Variants in IFT122 observed in about 807,000 individuals in gnomAD.
IFT122 encodes the protein intraflagellar transport 122.
In IFT122, 118 loss-of-function variants were observed where a neutral mutation model predicts 161.6. The observed-to-expected ratio is 0.73, with a 90% CI of 0.63 to 0.85. The LOEUF (loss-of-function observed/expected upper bound fraction) is 0.85, where lower values mean the gene tolerates loss of function less well. IFT122 is among the 40% of genes least tolerant of loss of function. The pLI is 0.00. For synonymous variants in IFT122, 550 were observed against 602.4 expected (o/e 0.91, Z 1.27); for missense variants, 1,381 against 1,579.6 (o/e 0.87, Z 2.13).
intron 9 of IFT122, among the ~76,000 whole-genome samples, chr3:129,475,419 A>C (rs535340469): frequency 1.3e-5 from 2 of 152,360 alleles, no homozygotes; most frequent in African/African-American, 2.4e-5. Context: ...TGGGAGGCCA[A>C]GGTGGGTGGA....
chr3:129,517,632 G>A (rs756735598), intron 27 of IFT122, 38 bp downstream of exon 27: 1 of 1,606,762 alleles, frequency 6.2e-7, no homozygotes, highest in South Asian at 1.1e-5. Context: ...GTGTGCGGCT[G>A]TGTGAGGGGT....
At chr3:129,465,618 C>T (rs2076672142) in intron 7 of IFT122, among the ~76,000 whole-genome samples, 2 of 150,630 alleles carry the variant, frequency 1.3e-5, no homozygotes, top group African/African-American at 4.9e-5. Context: ...TTACAGGTGC[C>T]TGCCACCACG....
chr3:129,479,119 C>T (rs558389458), intron 12 of IFT122, among the ~76,000 whole-genome samples: 3 of 151,960 alleles, frequency 2.0e-5, no homozygotes, highest in Non-Finnish European at 2.9e-5. Flanking sequence ...CTATTAAAAT[C>T]TCTCAAAAGC....
In IFT122 at chr3:129,456,917, A is replaced by G. The variant is rs545169623; in HGVS notation, c.194-1682A>G. On this transcript the variant is annotated intron_variant, in intron 3 of 29. Coordinates refer to ENST00000348417, the MANE Select transcript of IFT122 (RefSeq NM_052989.3). ...GGCAACAGAGTGAGACTTAGTCTCAAAAAAAAGGTACTTTACAGATACTAT... is the reference window on the plus strand; with the variant it reads ...GGCAACAGAGTGAGACTTAGTCTCAGAAAAAAGGTACTTTACAGATACTAT... Among the ~76,000 whole-genome samples the G allele has an allele frequency of 7.2e-5, 11 of 152,276 alleles. No individual in the cohort carries two copies. In the Middle Eastern group the frequency reaches 0.01, roughly 141 times the overall value.
chr3:129,504,316 C>A lies in IFT122; in HGVS notation c.2548-3C>A. On this transcript the variant is annotated splice_region_variant and splice_polypyrimidine_tract_variant and intron_variant, in intron 20 of 29. Coordinates refer to ENST00000348417, the MANE Select transcript of IFT122 (RefSeq NM_052989.3). ...TTAAGACTTCATTTGCTCCTTCCCC[C>A]AGGCCTTTGCTTTGGGTGAGAAGCA... 6.2e-7 allele frequency: 1 copy of A among 1,612,236 alleles called. No homozygotes were observed. Among genetic ancestry groups the A allele is most frequent in the South Asian group, 1.1e-5 (1 of 91,038 alleles).
At chr3:129,460,656 T>C (rs2076118615) in intron 4 of IFT122, among the ~76,000 whole-genome samples, 1 of 152,206 alleles carries the variant, frequency 6.6e-6, no homozygotes, top group Admixed American at 6.5e-5. Flanking sequence ...TTGCTTCTGC[T>C]TCTTAGCTAT....
At chr3:129,516,694 GCACACACACACACACA>G (rs771398986) in intron 26 of IFT122, among the ~76,000 whole-genome samples, 1 of 50,184 alleles carries the variant, frequency 2.0e-5, no homozygotes, top group Non-Finnish European at 3.3e-5. Context: ...GATTGCTCCT[GCACACACACACACACA>G]CACACACACA....
chr3:129,489,469 G>A (rs4352374), intron 16 of IFT122, among the ~76,000 whole-genome samples: 2,984 of 152,306 alleles, frequency 0.02, 108 homozygotes, highest in African/African-American at 0.069. Context: ...GGAAGTGATC[G>A]TTGTGTAACA....
chr3:129,511,310 G>A (rs2082797584), intron 23 of IFT122, among the ~76,000 whole-genome samples: 1 of 152,172 alleles, frequency 6.6e-6, no homozygotes, highest in African/African-American at 2.4e-5. Flanking sequence ...TGGGTTCTTG[G>A]AGCTAACAAA....
chr3:129,456,033 T>C, intron 3 of IFT122: 2 of 446,004 alleles, frequency 4.5e-6, no homozygotes, highest in Non-Finnish European at 9.0e-6. Flanking sequence ...GTCAACTGTA[T>C]GTACACATGT....
intron 21 of IFT122, among the ~76,000 whole-genome samples, 168 bp downstream of exon 21, chr3:129,504,589 C>T (rs186663122): frequency 6.6e-6 from 1 of 152,300 alleles, no homozygotes; most frequent in Admixed American, 6.5e-5. Flanking sequence ...CATGGAAAGA[C>T]CATTGGCCTT....
chr3:129,496,243 T>C (rs1260893384), intron 18 of IFT122, among the ~76,000 whole-genome samples: 1 of 152,014 alleles, frequency 6.6e-6, no homozygotes, highest in Non-Finnish European at 1.5e-5. Flanking sequence ...CTGGGCCTTT[T>C]AAGGCAGGTG....
intron 1 of IFT122, among the ~76,000 whole-genome samples, chr3:129,448,697 A>AT (rs112077688): frequency 4.6e-4 from 67 of 146,006 alleles, no homozygotes; most frequent in South Asian, 1.5e-3. Flanking sequence ...TTATTTATTT[A>AT]TTTTTTTTTT....
chr3:129,447,864 A>G (rs1038413480), intron 1 of IFT122, among the ~76,000 whole-genome samples: 5 of 152,164 alleles, frequency 3.3e-5, no homozygotes, highest in African/African-American at 7.2e-5. Context: ...GAGAGGTACA[A>G]TGAGGCATGT....
chr3:129,504,143 C>G, intron 20 of IFT122, 176 bp from the exon 21 acceptor site: 2 of 560,184 alleles, frequency 3.6e-6, no homozygotes, highest in Non-Finnish European at 3.2e-6. Flanking sequence ...CTTTTGTTTT[C>G]GAAGAGCTGA....
At chr3:129,512,533 A>G in intron 24 of IFT122, 121 bp downstream of exon 24, 1 of 807,242 alleles carries the variant, frequency 1.2e-6, no homozygotes, top group Admixed American at 1.8e-5. Flanking sequence ...CAGGGAAGAC[A>G]GAGAACTCAC....
intron 4 of IFT122, among the ~76,000 whole-genome samples, chr3:129,459,930 T>G (rs1465074058): frequency 6.6e-6 from 1 of 150,530 alleles, no homozygotes; most frequent in Non-Finnish European, 1.5e-5. Flanking sequence ...ATTTTTAAAT[T>G]TTTTTTTTTC....
chr3:129,497,358 G>A (rs145668609), intron 18 of IFT122, among the ~76,000 whole-genome samples: 1,867 of 152,292 alleles, frequency 0.012, 18 homozygotes, highest in Middle Eastern at 0.031. Flanking sequence ...AAGGCTCTTC[G>A]GTTTGCCAAA....
intron 25 of IFT122, chr3:129,514,997 C>A: frequency 2.8e-6 from 1 of 362,628 alleles, no homozygotes. Flanking sequence ...TTCCTTCTTT[C>A]ACACATCCTC....
Sources: allele counts gnomAD v4.1 joint callset (sites outside exome capture counted in the v4.1 genomes callset), GRCh38; gene constraint gnomAD v4.1.1; transcripts MANE v1.5; gene names NCBI Gene and HGNC (gene_info 2026-07-23, HGNC 2026-07-21).